The following RCL1 variants were observed in gnomAD, a reference collection of about 807,000 sequenced individuals.
RCL1 encodes RNA terminal phosphate cyclase like 1.
A neutral mutation model predicts 42.4 loss-of-function variants in RCL1; 24 were observed. That is an observed-to-expected ratio of 0.57 (90% confidence interval 0.41 to 0.80). The LOEUF (loss-of-function observed/expected upper bound fraction) is 0.80. RCL1 is among the 30% of genes least tolerant of loss of function. The pLI, the probability that RCL1 is intolerant of heterozygous loss-of-function variation, is 0.00. For missense variants in RCL1, 578 were observed against 467.9 expected, an observed-to-expected ratio of 1.24 and a Z score of -2.17; for synonymous variants, 228 against 177.3, an observed-to-expected ratio of 1.29 and a Z score of -2.27.
intron 8 of RCL1, among the ~76,000 whole-genome samples, chr9:4,856,222 G>A (rs1245188354): frequency 6.6e-6 from 1 of 152,188 alleles, no homozygotes; most frequent in Admixed American, 6.5e-5. Context: ...GACAGGATGG[G>A]GGAGATGGTG....
chr9:4,850,082 C>G (rs1483585495), intron 8 of RCL1, among the ~76,000 whole-genome samples: 1 of 152,140 alleles, frequency 6.6e-6, no homozygotes, highest in Non-Finnish European at 1.5e-5. Context: ...AAGCACTCTT[C>G]AAAAAGAACA....
intron 1 of RCL1, among the ~76,000 whole-genome samples, chr9:4,799,042 C>A (rs1191878275): frequency 8.9e-6 from 1 of 112,376 alleles, no homozygotes; most frequent in South Asian, 4.1e-4. Context: ...TCCCCCTTCC[C>A]CCCTCTCTCC....
chr9:4,855,515 A>T (rs1471250844), intron 8 of RCL1, among the ~76,000 whole-genome samples: 2 of 152,158 alleles, frequency 1.3e-5, no homozygotes, highest in African/African-American at 4.8e-5. Flanking sequence ...GCTGTGGAGC[A>T]GGACGTGGAT....
chr9:4,836,169 A>G (rs531593470), intron 5 of RCL1, among the ~76,000 whole-genome samples: 31 of 152,368 alleles, frequency 2.0e-4, no homozygotes, highest in Middle Eastern at 6.8e-3. Context: ...TAATGTTAAC[A>G]CAGTGCCAGC....
intron 1 of RCL1, among the ~76,000 whole-genome samples, chr9:4,810,115 A>C (rs1390983653): frequency 1.3e-5 from 2 of 152,220 alleles, no homozygotes; most frequent in African/African-American, 4.8e-5. Context: ...GGCCTGAGCC[A>C]CCGCATCCTG....
At chr9:4,820,668 A>G (rs1169622466) in intron 1 of RCL1, among the ~76,000 whole-genome samples, 2 of 152,188 alleles carry the variant, frequency 1.3e-5, no homozygotes, top group Non-Finnish European at 2.9e-5. Context: ...TCCCATTTAG[A>G]CACTTAGAAA....
intron 1 of RCL1, chr9:4,804,541 C>G (rs898910889): frequency 4.6e-5 from 7 of 152,454 alleles, no homozygotes; most frequent in African/African-American, 1.4e-4. Flanking sequence ...GGAGCCCTGC[C>G]GTCCAGTCGC....
intron 1 of RCL1, among the ~76,000 whole-genome samples, chr9:4,821,783 G>T (rs1816605534): frequency 6.6e-6 from 1 of 152,128 alleles, no homozygotes; most frequent in African/African-American, 2.4e-5. Flanking sequence ...CCCCTGGCTG[G>T]ACTCATTTTT....
At chr9:4,827,169 A>G (rs1193370339) in intron 3 of RCL1, 136 bp downstream of exon 3, 1 of 1,551,690 alleles carries the variant, frequency 6.4e-7, no homozygotes, top group Admixed American at 2.0e-5. Context: ...TTTGAGATTT[A>G]GAGGTTAATC....
At chr9:4,844,476 A>C in intron 6 of RCL1, 49 bp from the exon 7 acceptor site, 1 of 1,438,328 alleles carries the variant, frequency 7.0e-7, no homozygotes, top group Non-Finnish European at 9.5e-7. Context: ...GGTGAGTGGA[A>C]ACCTCACTTG....
chr9:4,834,120 T>C (rs1394946108), intron 4 of RCL1, 21 bp from the exon 5 acceptor site: 1 of 1,608,676 alleles, frequency 6.2e-7, no homozygotes, highest in African/African-American at 1.3e-5. Context: ...CCTCGCCTCA[T>C]CTTTCTCACT....
At chr9:4,795,955 C>T (rs1842906681) in intron 1 of RCL1, among the ~76,000 whole-genome samples, 1 of 152,086 alleles carries the variant, frequency 6.6e-6, no homozygotes. Context: ...TGTACAGGGG[C>T]TCAGTGGAGT....
intron 8 of RCL1, among the ~76,000 whole-genome samples, chr9:4,854,664 CA>C (rs1412028761): frequency 6.6e-6 from 1 of 152,160 alleles, no homozygotes; most frequent in African/African-American, 2.4e-5. Context: ...GGCAGCCTGT[CA>C]AATCCTGGTC....
At position 4,827,144 on chromosome 9, in the gene RCL1, G is replaced by A. The variant is rs772034379; in HGVS notation, c.384+111G>A. The A allele has an allele frequency of 7.1e-6, 11 of 1,559,762 alleles. No individual in the cohort carries two copies. The East Asian group carries it at 2.6e-4, about 38-fold the overall frequency. ...CACAGTTTTATTACAAATGTATATTGCTTTTGTTATTTACTTTGAGATTTA... is the reference window on the plus strand; with the variant it reads ...CACAGTTTTATTACAAATGTATATTACTTTTGTTATTTACTTTGAGATTTA... On this transcript the variant is annotated intron_variant, in intron 3 of 8. Coordinates refer to ENST00000381750, the MANE Select transcript of RCL1 (RefSeq NM_005772.5).
chr9:4,822,995 G>A (rs1000991173), intron 1 of RCL1, among the ~76,000 whole-genome samples: 11 of 152,086 alleles, frequency 7.2e-5, no homozygotes, highest in African/African-American at 2.2e-4. Flanking sequence ...AAACTGAACT[G>A]GTTAGATAGT....
chr9:4,831,367 C>T (rs191189270), intron 3 of RCL1, among the ~76,000 whole-genome samples: 82 of 149,910 alleles, frequency 5.5e-4, no homozygotes, highest in Non-Finnish European at 7.1e-4. Flanking sequence ...CATTGCATCC[C>T]CTACTTTTTC....
intron 8 of RCL1, among the ~76,000 whole-genome samples, chr9:4,853,582 A>G (rs1817832173): frequency 6.6e-6 from 1 of 151,946 alleles, no homozygotes; most frequent in Non-Finnish European, 1.5e-5. Flanking sequence ...CGGCCTCCCA[A>G]AGTGCTGGGA....
rs35181848 is a variant in RCL1, at chr9:4,850,493, C to CTTTT, written c.971+957_971+960dup. On this transcript the variant is annotated intron_variant, in intron 8 of 8. Transcript: ENST00000381750. ...AATTCTTATGGAGGCTTTTTTTTTT[C>CTTTT]TTTTTTTTTTTTTTTTTGGAATTCG... The CTTTT allele has an allele frequency of 4.8e-3, 659 of 136,856 alleles. 11 individuals are homozygous for CTTTT. Among genetic ancestry groups the CTTTT allele is most frequent in the East Asian group, 0.013 (66 of 5,162 alleles). 8.5% of individuals were successfully genotyped at this position (136,856 alleles called of 1,614,324 possible). A position where few individuals can be genotyped will look rare whatever the true frequency, so the allele number is the denominator to read the frequency against.
chr9:4,823,842 A>G lies in RCL1; in HGVS notation c.208+223A>G, dbSNP rs146180211. On this transcript the variant is annotated intron_variant, in intron 2 of 8. Coordinates refer to ENST00000381750, the MANE Select transcript of RCL1 (RefSeq NM_005772.5). ...GGGACTTATATGAGGAACTCACCATATAACTTTGGAGTTATATGAGGAAGC... is the reference window on the plus strand; with the variant it reads ...GGGACTTATATGAGGAACTCACCATGTAACTTTGGAGTTATATGAGGAAGC... Among the ~76,000 whole-genome samples the G allele has an allele frequency of 7.2e-5, 11 of 152,300 alleles. No individual in the cohort carries two copies. In the East Asian group the frequency reaches 1.5e-3, roughly 21 times the overall value.
Sources: gnomAD v4.1 joint callset for allele counts (sites outside exome capture counted in the v4.1 genomes callset) on GRCh38, gnomAD v4.1.1 for gene constraint, MANE v1.5 for transcripts, NCBI Gene and HGNC (gene_info 2026-07-23, HGNC 2026-07-21) for gene names.